The following PAPPA variants were observed in gnomAD, a reference collection of about 807,000 sequenced individuals.
The protein encoded by PAPPA is pappalysin-1.
In PAPPA, 60 loss-of-function variants were observed where a neutral mutation model predicts 164.0. The ratio of observed to expected loss-of-function variants is 0.37; its 90% CI spans 0.30 to 0.45. The LOEUF (loss-of-function observed/expected upper bound fraction) is 0.45. PAPPA is among the 20% of genes least tolerant of loss of function. The pLI is 1.00. For synonymous variants in PAPPA, 875 were observed against 814.1 expected (o/e 1.07, Z -1.27); for missense variants, 1,782 against 2,087.3 (o/e 0.85, Z 2.85).
At chr9:116,269,704 G>C (rs1442783713) in intron 8 of PAPPA, among the ~76,000 whole-genome samples, 1 of 152,208 alleles carries the variant, frequency 6.6e-6, no homozygotes, top group Non-Finnish European at 1.5e-5. Flanking sequence ...CACTGTTTGG[G>C]TGGCGATGGA....
intron 19 of PAPPA, among the ~76,000 whole-genome samples, chr9:116,375,926 A>G (rs988384324): frequency 3.9e-5 from 6 of 152,006 alleles, no homozygotes; most frequent in African/African-American, 1.5e-4. Flanking sequence ...AGCATGTACC[A>G]TTTTATTTTA....
chr9:116,237,952 C>G (rs1844690480), intron 7 of PAPPA, among the ~76,000 whole-genome samples: 1 of 151,938 alleles, frequency 6.6e-6, no homozygotes, highest in Non-Finnish European at 1.5e-5. Context: ...AACTCCTGAC[C>G]TCATGATCTG....
Position 116,271,078 on chromosome 9 carries a change from G to C in PAPPA, c.2862-247G>C, listed in dbSNP as rs949479539. On this transcript the variant is annotated intron_variant, in intron 8 of 21. Transcript: ENST00000328252. The surrounding 1 kb of genome is among the most constrained non-coding windows in gnomAD (Gnocchi z 4.2). Reference sequence around the variant, plus strand: ...GACTTAACTGACTTGAGATCTCAGAGAATGAGTTGGAATCAGGACTTCTAC... The same window carrying C: ...GACTTAACTGACTTGAGATCTCAGACAATGAGTTGGAATCAGGACTTCTAC... Among the ~76,000 whole-genome samples the C allele has an allele frequency of 6.6e-6, 1 of 152,164 alleles. No individual in the cohort carries two copies. The highest frequency in any genetic ancestry group is 1.5e-5 in the Non-Finnish European group (1 of 68,026).
intron 10 of PAPPA, among the ~76,000 whole-genome samples, chr9:116,313,098 A>AG (rs1414831198): frequency 1.3e-5 from 2 of 151,504 alleles, no homozygotes; most frequent in African/African-American, 4.8e-5. Context: ...AAAAAAAAAA[A>AG]AAAGAAACTC....
At chr9:116,313,469 T>G (rs1483835009) in intron 10 of PAPPA, among the ~76,000 whole-genome samples, 1 of 152,236 alleles carries the variant, frequency 6.6e-6, no homozygotes, top group Non-Finnish European at 1.5e-5. Context: ...AGATGCCACC[T>G]GGGTAATGCC....
At position 116,398,976 on chromosome 9, in the gene PAPPA, G is replaced by A. The variant is rs1847007765; in HGVS notation, c.*2360G>A. 3.8e-6 allele frequency: 1 copy of A among 262,076 alleles called. No individual in the cohort carries two copies. Among genetic ancestry groups the A allele is most frequent in the Non-Finnish European group, 7.5e-6 (1 of 133,546 alleles). 16.2% of individuals were successfully genotyped at this position (262,076 alleles called of 1,614,324 possible). A position where few individuals can be genotyped will look rare whatever the true frequency, so the allele number is the denominator to read the frequency against. On this transcript the variant is annotated 3_prime_UTR_variant, in exon 22 of 22. Transcript: ENST00000328252. The stretch of plus-strand genomic sequence containing the variant: ...GTGTTAACTACCTTAGAAGGTACAA[G>A]CTAAGAAATGTAACAGTATCAACCC...
intron 10 of PAPPA, among the ~76,000 whole-genome samples, chr9:116,312,779 C>T (rs1845736805): frequency 6.6e-6 from 1 of 152,006 alleles, no homozygotes; most frequent in Non-Finnish European, 1.5e-5. Context: ...GGCCTTCTGC[C>T]TCCTCTTAAG....
At chr9:116,338,668 G>A (rs1846095433) in intron 13 of PAPPA, among the ~76,000 whole-genome samples, 1 of 152,170 alleles carries the variant, frequency 6.6e-6, no homozygotes, top group Admixed American at 6.5e-5. Context: ...CATTGATTGG[G>A]AATCACTAGT....
chr9:116,275,591 C>T (rs1316053693), intron 9 of PAPPA, among the ~76,000 whole-genome samples: 3 of 152,126 alleles, frequency 2.0e-5, no homozygotes, highest in Non-Finnish European at 4.4e-5. Flanking sequence ...CTTCCTTCCA[C>T]TGTTCTTTCT....
chr9:116,194,213 T>C lies in PAPPA; in HGVS notation c.1478+5997T>C, dbSNP rs548566992. Among the ~76,000 whole-genome samples the C allele has an allele frequency of 2.0e-5, 3 of 152,358 alleles. No homozygotes were observed. The East Asian group carries it at 5.8e-4, about 29-fold the overall frequency. ...GGGCAGTTTGTTAGCTATGCAATCTTGGGCAAGCCTTTTAATCTCTCTGAG... is the reference window on the plus strand; with the variant it reads ...GGGCAGTTTGTTAGCTATGCAATCTCGGGCAAGCCTTTTAATCTCTCTGAG... On this transcript the variant is annotated intron_variant, in intron 2 of 21. Coordinates refer to ENST00000328252, the MANE Select transcript of PAPPA (RefSeq NM_002581.5).
At chr9:116,335,133 A>AT (rs1846045590) in intron 13 of PAPPA, 59 bp downstream of exon 13, 20 of 1,390,212 alleles carry the variant, frequency 1.4e-5, no homozygotes, top group Non-Finnish European at 8.1e-6. Flanking sequence ...AGACAGTGTG[A>AT]TTTTGAAGCT....
intron 7 of PAPPA, among the ~76,000 whole-genome samples, chr9:116,247,079 T>A (rs1306763680): frequency 6.6e-6 from 1 of 152,042 alleles, no homozygotes; most frequent in African/African-American, 2.4e-5. Context: ...GGGAAGGAGA[T>A]GATGGGTCTT....
At chr9:116,201,945 C>G (rs115800788) in intron 2 of PAPPA, among the ~76,000 whole-genome samples, 2,060 of 152,290 alleles carry the variant, frequency 0.014, 52 homozygotes, top group African/African-American at 0.048. Context: ...ATCTCTGTGA[C>G]CAGCCGCACC....
At chr9:116,384,404 A>G (rs573482725) in intron 21 of PAPPA, among the ~76,000 whole-genome samples, 1 of 151,944 alleles carries the variant, frequency 6.6e-6, no homozygotes, top group South Asian at 2.1e-4. Context: ...GCAATGAGCC[A>G]TGATCATACC....
chr9:116,279,295 C>T (rs1023079083), intron 9 of PAPPA, among the ~76,000 whole-genome samples: 4 of 152,174 alleles, frequency 2.6e-5, no homozygotes, highest in Admixed American at 6.5e-5. Context: ...GGCGATGGGG[C>T]GGAAGGCTGA....
Position 116,396,492 on chromosome 9 carries a change from ACTT to A in PAPPA, c.4777-10_4777-8del, listed in dbSNP as rs760710716. On this transcript the variant is annotated splice_polypyrimidine_tract_variant and intron_variant, in intron 21 of 21. Transcript: ENST00000328252. Reference sequence around the variant, plus strand: ...TGCTTCAGACCAAATCACCTGATTCACTTCTTCTTTCTGCAGGTCACCCCATTC... The same window carrying A: ...TGCTTCAGACCAAATCACCTGATTCACTTCTTTCTGCAGGTCACCCCATTC... The A allele has an allele frequency of 1.0e-5, 8 of 780,438 alleles. No individual in the cohort carries two copies. Among genetic ancestry groups the A allele is most frequent in the Non-Finnish European group, 1.9e-5 (8 of 417,808 alleles). 48.3% of individuals were successfully genotyped at this position (780,438 alleles called of 1,614,324 possible). A position where few individuals can be genotyped will look rare whatever the true frequency, so the allele number is the denominator to read the frequency against.
intron 10 of PAPPA, among the ~76,000 whole-genome samples, chr9:116,320,914 A>G (rs568522041): frequency 6.6e-6 from 1 of 152,294 alleles, no homozygotes; most frequent in East Asian, 1.9e-4. Context: ...AGAGGTCTAT[A>G]GTGCTCCGCA....
chr9:116,270,468 T>C, intron 8 of PAPPA, among the ~76,000 whole-genome samples: 1 of 152,224 alleles, frequency 6.6e-6, no homozygotes, highest in Non-Finnish European at 1.5e-5. Context: ...CACAGAAATA[T>C]CAGATCAAGA....
chr9:116,287,994 A>T (rs1219511076), intron 9 of PAPPA, among the ~76,000 whole-genome samples: 1 of 152,220 alleles, frequency 6.6e-6, no homozygotes, highest in Non-Finnish European at 1.5e-5. Context: ...GAACATGAAT[A>T]GTTATGATGA....
Sources: allele counts gnomAD v4.1 joint callset (sites outside exome capture counted in the v4.1 genomes callset), GRCh38; gene constraint gnomAD v4.1.1; non-coding constraint Gnocchi (gnomAD v3.1); transcripts MANE v1.5; gene names NCBI Gene and HGNC (gene_info 2026-07-23, HGNC 2026-07-21).